The following LINGO2 variants were observed in gnomAD, a reference collection of about 807,000 sequenced individuals.
LINGO2 encodes leucine-rich repeat and immunoglobulin-like domain-containing nogo receptor-interacting protein 2.
In LINGO2, 14 loss-of-function variants were observed where a neutral mutation model predicts 30.6. That is an observed-to-expected ratio of 0.46 (90% confidence interval 0.30 to 0.72). The LOEUF (loss-of-function observed/expected upper bound fraction) is 0.72. Among genes scored for constraint, LINGO2 ranks in the 30% least tolerant of loss-of-function variants. The pLI is 0.07. For missense variants in LINGO2, 729 were observed against 751.7 expected (o/e 0.97, Z 0.35); for synonymous variants, 317 against 288.5 (o/e 1.10, Z -1.00).
intron 1 of LINGO2, among the ~76,000 whole-genome samples, chr9:28,553,645 G>A (rs1822450620): frequency 6.6e-6 from 1 of 151,842 alleles, no homozygotes; most frequent in Admixed American, 6.6e-5. Flanking sequence ...GAAATACAGA[G>A]AACGCCACAA....
chr9:27,957,041 G>A (rs1380133234), intron 5 of LINGO2, among the ~76,000 whole-genome samples: 2 of 152,164 alleles, frequency 1.3e-5, no homozygotes, highest in Non-Finnish European at 2.9e-5. Flanking sequence ...GCTGCAGTAA[G>A]CTGTGATTGA....
At chr9:28,678,224 C>T in the LINGO2 span, among the ~76,000 whole-genome samples, 1 of 151,832 alleles carries the variant, frequency 6.6e-6, no homozygotes, top group East Asian at 1.9e-4. Context: ...ACTTTCCAGC[C>T]CCACCTTCTG....
the LINGO2 span, among the ~76,000 whole-genome samples, chr9:29,030,238 A>C: frequency 6.6e-6 from 1 of 152,018 alleles, no homozygotes; most frequent in Non-Finnish European, 1.5e-5. Context: ...TTATCAGAAA[A>C]AATTTCTGAA....
chr9:28,700,292 T>G, the LINGO2 span, among the ~76,000 whole-genome samples: 2 of 152,018 alleles, frequency 1.3e-5, 1 homozygote, highest in Admixed American at 1.3e-4. Flanking sequence ...CACCTATTCA[T>G]TCATCCAAAT....
At chr9:29,131,474 C>T in the LINGO2 span, among the ~76,000 whole-genome samples, 2 of 152,066 alleles carry the variant, frequency 1.3e-5, no homozygotes, top group Admixed American at 6.6e-5. Flanking sequence ...ATACTGCCAT[C>T]CCAATCCCCG....
the LINGO2 span, among the ~76,000 whole-genome samples, chr9:28,924,758 G>A: frequency 6.6e-6 from 1 of 152,182 alleles, no homozygotes; most frequent in Non-Finnish European, 1.5e-5. Context: ...GCAACACTGT[G>A]TAATAATTAA....
At chr9:28,844,341 G>A in the LINGO2 span, among the ~76,000 whole-genome samples, 1 of 151,784 alleles carries the variant, frequency 6.6e-6, no homozygotes, top group Admixed American at 6.6e-5. Flanking sequence ...TAGCCTGGGT[G>A]ACAGAATGAG....
chr9:28,993,437 A>T, the LINGO2 span, among the ~76,000 whole-genome samples: 5 of 152,236 alleles, frequency 3.3e-5, no homozygotes, highest in African/African-American at 1.2e-4. Context: ...TACCAGAGGT[A>T]CAAGGAGGAA....
chr9:27,939,009 CAA>C, the LINGO2 span: 9 of 151,860 alleles, frequency 5.9e-5, no homozygotes, highest in Non-Finnish European at 1.3e-4. Context: ...TAATTATTGG[CAA>C]TATTTAAAAG....
At chr9:29,115,557 C>G in the LINGO2 span, among the ~76,000 whole-genome samples, 1 of 150,562 alleles carries the variant, frequency 6.6e-6, no homozygotes, top group Non-Finnish European at 1.5e-5. Context: ...TTACTGTGAG[C>G]CAAAGATTTC....
chr9:28,437,436 G>A (rs1034546864), intron 2 of LINGO2, among the ~76,000 whole-genome samples: 1 of 152,014 alleles, frequency 6.6e-6, no homozygotes, highest in Non-Finnish European at 1.5e-5. Context: ...TGGCATCCCA[G>A]GGTCTCCAGC....
exon 6 of LINGO2, chr9:27,949,112 G>C: frequency 6.2e-7 from 1 of 1,614,192 alleles, no homozygotes; most frequent in Non-Finnish European, 8.5e-7. Context: ...TGTCATTGGA[G>C]TCGGTCATGT....
intron 1 of LINGO2, among the ~76,000 whole-genome samples, chr9:28,488,105 C>G (rs1369126037): frequency 6.6e-6 from 1 of 152,124 alleles, no homozygotes; most frequent in African/African-American, 2.4e-5. Context: ...AGGATAAAAA[C>G]ATTTCTCCCA....
chr9:29,048,385 G>T, the LINGO2 span, among the ~76,000 whole-genome samples: 1 of 151,780 alleles, frequency 6.6e-6, no homozygotes. Flanking sequence ...TTGTTAAAAT[G>T]TCCACACTAT....
chr9:29,083,547 A>AT, the LINGO2 span, among the ~76,000 whole-genome samples: 1 of 151,982 alleles, frequency 6.6e-6, no homozygotes, highest in Non-Finnish European at 1.5e-5. Context: ...AAACCTGCAC[A>AT]TTGTGCACAT....
chr9:29,079,728 T>C, the LINGO2 span, among the ~76,000 whole-genome samples: 11 of 151,974 alleles, frequency 7.2e-5, no homozygotes, highest in Non-Finnish European at 1.5e-4. Context: ...AAAGTATGCC[T>C]ACCAAAATGA....
chr9:28,530,295 A>G (rs1821182122), intron 1 of LINGO2, among the ~76,000 whole-genome samples: 2 of 152,278 alleles, frequency 1.3e-5, no homozygotes, highest in South Asian at 4.1e-4. Context: ...CACCATCACC[A>G]TGTGCCATCT....
At chr9:28,784,651 T>C in the LINGO2 span, among the ~76,000 whole-genome samples, 1 of 152,140 alleles carries the variant, frequency 6.6e-6, no homozygotes, top group Non-Finnish European at 1.5e-5. Flanking sequence ...TAGTATATGA[T>C]TCAGTATAAA....
At chr9:27,998,112 T>G (rs575053817) in intron 5 of LINGO2, among the ~76,000 whole-genome samples, 1 of 152,284 alleles carries the variant, frequency 6.6e-6, no homozygotes, top group East Asian at 1.9e-4. Context: ...CACAGGCCCT[T>G]GAAAGGTAAG....
Sources: allele counts gnomAD v4.1 joint callset (sites outside exome capture counted in the v4.1 genomes callset), GRCh38; gene constraint gnomAD v4.1.1; transcripts MANE v1.5; gene names NCBI Gene and HGNC (gene_info 2026-07-23, HGNC 2026-07-21).